Variants in TMEM117 observed in about 807,000 individuals in gnomAD.
TMEM117 encodes the protein transmembrane protein 117.
Under a neutral mutation model 52.4 loss-of-function variants are expected in TMEM117, and 27 were observed. That is an observed-to-expected ratio of 0.51 (90% CI 0.38 to 0.71). TMEM117 has a LOEUF of 0.71. TMEM117 is among the 30% of genes least tolerant of loss of function. The pLI, the probability that TMEM117 is intolerant of heterozygous loss-of-function variation, is 0.00. For synonymous variants in TMEM117, 215 were observed against 206.3 expected, an observed-to-expected ratio of 1.04 and a Z score of -0.36; for missense variants, 556 against 630.5, an observed-to-expected ratio of 0.88 and a Z score of 1.26.
chr12:43,920,330 G>C (rs536692923), intron 2 of TMEM117, among the ~76,000 whole-genome samples: 4 of 152,126 alleles, frequency 2.6e-5, no homozygotes, highest in South Asian at 4.1e-4. Flanking sequence ...TCAAGACCAC[G>C]GTGAAACCCT....
intron 6 of TMEM117, among the ~76,000 whole-genome samples, chr12:44,342,106 A>G (rs991679655): frequency 1.3e-5 from 2 of 152,166 alleles, no homozygotes; most frequent in Admixed American, 6.6e-5. Flanking sequence ...GTATATTGTA[A>G]AACTACAAGT....
At chr12:44,376,786 T>C in intron 7 of TMEM117, 62 bp downstream of exon 7, 1 of 1,509,366 alleles carries the variant, frequency 6.6e-7, no homozygotes. Context: ...TAATGCTAGT[T>C]GCTGTAAAAA....
At chr12:43,999,477 G>GC (rs1946082408) in intron 3 of TMEM117, among the ~76,000 whole-genome samples, 3 of 152,118 alleles carry the variant, frequency 2.0e-5, no homozygotes, top group Admixed American at 2.0e-4. Flanking sequence ...TTCTAATGAT[G>GC]CAGATGGTTT....
chr12:43,866,507 C>T (rs955571197), intron 2 of TMEM117, among the ~76,000 whole-genome samples: 5 of 149,028 alleles, frequency 3.4e-5, no homozygotes, highest in African/African-American at 7.7e-5. Context: ...CCTGGGAGGT[C>T]GAGGCTGCAG....
intron 2 of TMEM117, among the ~76,000 whole-genome samples, chr12:43,890,334 C>T (rs1426231199): frequency 1.3e-5 from 2 of 151,832 alleles, no homozygotes; most frequent in Non-Finnish European, 2.9e-5. Flanking sequence ...ACTGTAAGAC[C>T]GTTAGTGAAA....
At chr12:44,150,514 GC>G (rs1268312519) in intron 4 of TMEM117, among the ~76,000 whole-genome samples, 1 of 151,946 alleles carries the variant, frequency 6.6e-6, no homozygotes, top group Non-Finnish European at 1.5e-5. Flanking sequence ...ACCCACACTT[GC>G]CAAAAAAAAT....
At chr12:43,851,477 A>G (rs1243552071) in intron 2 of TMEM117, among the ~76,000 whole-genome samples, 1 of 151,992 alleles carries the variant, frequency 6.6e-6, no homozygotes, top group Non-Finnish European at 1.5e-5. Flanking sequence ...TTTTTTTTAA[A>G]ATGTGTTTTA....
chr12:43,886,391 G>C (rs1458898298), intron 2 of TMEM117, among the ~76,000 whole-genome samples: 1 of 152,108 alleles, frequency 6.6e-6, no homozygotes, highest in African/African-American at 2.4e-5. Context: ...GGAAGGACTG[G>C]GATGTTTCAC....
At chr12:43,844,979 T>C (rs1257957026) in intron 2 of TMEM117, 51 bp downstream of exon 2, 2 of 1,550,050 alleles carry the variant, frequency 1.3e-6, no homozygotes, top group African/African-American at 2.8e-5. Context: ...TTAATTTCTA[T>C]TCTCCAAGAT....
At chr12:44,253,497 A>C (rs2138517939) in intron 5 of TMEM117, among the ~76,000 whole-genome samples, 1 of 152,282 alleles carries the variant, frequency 6.6e-6, no homozygotes. Context: ...CCCCAAATTG[A>C]AAGCCACAGG....
At chr12:43,837,402 G>A (rs1943049722) in intron 1 of TMEM117, among the ~76,000 whole-genome samples, 1 of 151,976 alleles carries the variant, frequency 6.6e-6, no homozygotes, top group African/African-American at 2.4e-5. Flanking sequence ...CTGGAGTGCA[G>A]TGCCATGATT....
chr12:44,301,176 A>G (rs1950834781), intron 6 of TMEM117, among the ~76,000 whole-genome samples: 2 of 152,140 alleles, frequency 1.3e-5, no homozygotes, highest in Admixed American at 6.5e-5. Context: ...GTCCATTACC[A>G]TCCTCATGCT....
chr12:44,169,504 T>C (rs1051640770), intron 4 of TMEM117, among the ~76,000 whole-genome samples: 4 of 152,222 alleles, frequency 2.6e-5, no homozygotes, highest in Non-Finnish European at 4.4e-5. Flanking sequence ...TTTGGGTATA[T>C]TCTTTGAGTG....
chr12:44,228,778 A>G (rs1949896704), intron 5 of TMEM117, among the ~76,000 whole-genome samples: 1 of 152,168 alleles, frequency 6.6e-6, no homozygotes. Context: ...CATATCCTAT[A>G]GGAAGTGAAA....
chr12:44,152,525 T>TA (rs1289953766), intron 4 of TMEM117, among the ~76,000 whole-genome samples: 1 of 115,430 alleles, frequency 8.7e-6, no homozygotes, highest in East Asian at 2.6e-4. Flanking sequence ...AATTTATATA[T>TA]ATATTTATAT....
At position 43,838,536 on chromosome 12, in the gene TMEM117, AGT is replaced by A. The variant is rs58683422; in HGVS notation, c.-29+2341_-29+2342del. ...TACTCTCTCTGGAATGGAGTCTTCCAGTTTTTTTTTTTTTTTTTTCCCTCACC... is the reference window on the plus strand; with the variant it reads ...TACTCTCTCTGGAATGGAGTCTTCCATTTTTTTTTTTTTTTTTCCCTCACC... On this transcript the variant is annotated intron_variant, in intron 1 of 7. Transcript: ENST00000266534. Among the ~76,000 whole-genome samples the A allele has an allele frequency of 5.5e-3, 738 of 134,320 alleles. 18 individuals are homozygous for A. The highest frequency in any genetic ancestry group is 0.02 in the African/African-American group (684 of 33,672). The allele number at this position is 134,320 out of a possible 152,430, so 88.1% of individuals were successfully genotyped here.
intron 3 of TMEM117, among the ~76,000 whole-genome samples, chr12:44,092,325 A>T (rs893367167): frequency 2.0e-5 from 3 of 152,220 alleles, no homozygotes; most frequent in African/African-American, 7.2e-5. Flanking sequence ...ACATCCTCTG[A>T]CAGGGTGTTC....
rs115001844 is a variant in TMEM117, at chr12:43,892,227, A to G, written c.277+47299A>G. 1.2e-3 allele frequency among the ~76,000 whole-genome samples: 186 copies of G among 152,320 alleles called. 1 individual carries two copies. Among genetic ancestry groups the G allele is most frequent in the African/African-American group, 4.3e-3 (180 of 41,572 alleles). ...CAAAATCCTGGGGAAATTAGGCACAAACTTCCAGAATTGTTTCCCAGTGAA... is the reference window on the plus strand; with the variant it reads ...CAAAATCCTGGGGAAATTAGGCACAGACTTCCAGAATTGTTTCCCAGTGAA... On this transcript the variant is annotated intron_variant, in intron 2 of 7. Transcript: ENST00000266534.
At chr12:43,929,899 A>AT (rs1592371559) in intron 2 of TMEM117, among the ~76,000 whole-genome samples, 1 of 151,862 alleles carries the variant, frequency 6.6e-6, no homozygotes, top group African/African-American at 2.4e-5. Flanking sequence ...TATGTTATCA[A>AT]TTTTTTCCCC....
Sources: allele counts gnomAD v4.1 joint callset (sites outside exome capture counted in the v4.1 genomes callset), GRCh38; gene constraint gnomAD v4.1.1; transcripts MANE v1.5; gene names NCBI Gene and HGNC (gene_info 2026-07-23, HGNC 2026-07-21).